Variants in PCDHGA4 observed in about 807,000 individuals in gnomAD.
PCDHGA4 encodes the protein protocadherin gamma subfamily A, 4.
PCDHGA4 carries 38 observed loss-of-function variants against 54.6 expected under a neutral mutation model. That is an observed-to-expected ratio of 0.70 (90% confidence interval 0.54 to 0.91). The LOEUF (loss-of-function observed/expected upper bound fraction) is 0.91, where lower values mean the gene tolerates loss of function less well. Among genes scored for constraint, PCDHGA4 ranks in the 40% least tolerant of loss-of-function variants. The probability of loss-of-function intolerance (pLI) is 0.00; values close to 1 mark genes in which losing one functional copy is unlikely to be tolerated. For synonymous variants in PCDHGA4, 511 were observed against 512.9 expected (o/e 1.00, Z 0.05); for missense variants, 1,298 against 1,220.9 (o/e 1.06, Z -0.94).
At chr5:141,453,351 C>T (rs1210851703) in intron 1 of PCDHGA4, among the ~76,000 whole-genome samples, 3 of 151,738 alleles carry the variant, frequency 2.0e-5, no homozygotes, top group African/African-American at 7.3e-5. Context: ...CCAGGCTGAC[C>T]CTGAACTCCT....
In PCDHGA4 at chr5:141,491,359, G is replaced by C. The variant is rs764159829; in HGVS notation, c.2515-3448G>C. 3 of 1,614,154 alleles carry C rather than the reference G, an allele frequency of 1.9e-6. No homozygotes were observed. In the East Asian group the frequency reaches 6.7e-5, roughly 36 times the overall value. On this transcript the variant is annotated intron_variant, in intron 1 of 3. Coordinates refer to ENST00000571252, the MANE Select transcript of PCDHGA4 (RefSeq NM_018917.4). This position sits in a 1 kb window ranked among gnomAD's most constrained non-coding sequence, Gnocchi z 6.9. ...AGCGACCGTCAGTCTCTTATCCCTA[G>C]TCACCTTCACCTTTCTGTCAGCGAA...
intron 1 of PCDHGA4, among the ~76,000 whole-genome samples, chr5:141,455,860 ATTATTTATTTAT>A (rs145569377): frequency 0.023 from 3,231 of 139,812 alleles, 82 homozygotes; most frequent in African/African-American, 0.066. Context: ...AATTTCTTTT[ATTATTTATTTAT>A]TTATTTATTT....
intron 1 of PCDHGA4, chr5:141,364,801 G>A: frequency 1.2e-6 from 2 of 1,613,992 alleles, no homozygotes; most frequent in Non-Finnish European, 1.7e-6. Flanking sequence ...TTCCCTTCGC[G>A]CGGGATGCGG....
In PCDHGA4 at chr5:141,355,505, G is replaced by A; in HGVS notation, c.398G>A (p.Cys133Tyr). The A allele has an allele frequency of 6.2e-7, 1 of 1,614,044 alleles. No individual in the cohort carries two copies. The highest frequency in any genetic ancestry group is 8.5e-7 in the Non-Finnish European group (1 of 1,179,896). The change falls in exon 1 of 4, where the codon TGT (cysteine) becomes TAT (tyrosine). Residue 133 changes from cysteine to tyrosine, a missense_variant. Physicochemically the swap from Cys to Tyr is radical, Grantham distance 194. Coordinates refer to ENST00000571252, the MANE Select transcript of PCDHGA4 (RefSeq NM_018917.4). ...GAGCTCTGCGACAGATCTCCAAACT[G>A]TGTGACAAACCTGGAGATTCTTCTA... ...REELCDRSPN[C>Y]VTNLEILLED...
intron 1 of PCDHGA4, chr5:141,365,934 G>A (rs1488431310): frequency 6.2e-7 from 1 of 1,614,116 alleles, no homozygotes; most frequent in Non-Finnish European, 8.5e-7. Context: ...GTGACAGCCA[G>A]CGACAGTGGG....
chr5:141,383,406 T>G lies in PCDHGA4; in HGVS notation c.2514+25785T>G, dbSNP rs780989648. 25 of 1,613,866 alleles carry G rather than the reference T, an allele frequency of 1.5e-5. No individual in the cohort carries two copies. In the African/African-American group the frequency reaches 3.2e-4, roughly 21 times the overall value. ...ATGTGGGCACGAACTCCCTCCAGAG[T>G]TACCAGCTCAGCCCCAATCGCCACT... On this transcript the variant is annotated intron_variant, in intron 1 of 3. Coordinates refer to ENST00000571252, the MANE Select transcript of PCDHGA4 (RefSeq NM_018917.4).
At chr5:141,410,266 G>A in intron 1 of PCDHGA4, 1 of 1,614,036 alleles carries the variant, frequency 6.2e-7, no homozygotes, top group South Asian at 1.1e-5. Context: ...AGGCTGAACT[G>A]CAGTTTTACC....
intron 1 of PCDHGA4, chr5:141,441,731 C>G: frequency 2.8e-6 from 1 of 362,226 alleles, no homozygotes; most frequent in South Asian, 2.2e-5. Context: ...GCGACCAGGA[C>G]TAGCTCGCGC....
rs554119295 is a variant in PCDHGA4 at position 141,482,963 on chromosome 5, C to T, written c.2515-11844C>T. 1.7e-4 allele frequency among the ~76,000 whole-genome samples: 10 copies of T among 57,958 alleles called. No homozygotes were observed. In the South Asian group the frequency reaches 4.5e-3, roughly 26 times the overall value. 38.0% of individuals were successfully genotyped at this position (57,958 alleles called of 152,430 possible). On this transcript the variant is annotated intron_variant, in intron 1 of 3. Coordinates refer to ENST00000571252, the MANE Select transcript of PCDHGA4 (RefSeq NM_018917.4). The stretch of plus-strand genomic sequence containing the variant: ...TTGTGGGTGCCTGTAATTCCAGCTA[C>T]TTGAGCAGCTACTTGAGAGGTCGAG...
chr5:141,384,282 C>T (rs1230546899), intron 1 of PCDHGA4: 3 of 1,613,858 alleles, frequency 1.9e-6, no homozygotes, highest in African/African-American at 1.3e-5. Flanking sequence ...CAGTCTACAT[C>T]GCTGAGAACA....
At position 141,432,455 on chromosome 5, in the gene PCDHGA4, G is replaced by A; in HGVS notation, c.2515-62352G>A. The A allele has an allele frequency of 6.2e-7, 1 of 1,614,176 alleles. No individual in the cohort carries two copies. The highest frequency in any genetic ancestry group is 8.5e-7 in the Non-Finnish European group (1 of 1,180,042). On this transcript the variant is annotated intron_variant, in intron 1 of 3. Transcript: ENST00000571252. The surrounding 1 kb of genome is among the most constrained non-coding windows in gnomAD (Gnocchi z 6.0). ...CAATGCGCCCGAGATCCTGTACCCCGCCCTCCCCACGGACGGTTCCACTGG... is the reference window on the plus strand; with the variant it reads ...CAATGCGCCCGAGATCCTGTACCCCACCCTCCCCACGGACGGTTCCACTGG...
chr5:141,364,800 C>G (rs2149865831), intron 1 of PCDHGA4: 12 of 1,613,952 alleles, frequency 7.4e-6, no homozygotes, highest in Non-Finnish European at 1.0e-5. Context: ...CTTCCCTTCG[C>G]GCGGGATGCG....
At chr5:141,384,839 AGGACCAC>A in intron 1 of PCDHGA4, 1 of 1,613,462 alleles carries the variant, frequency 6.2e-7, no homozygotes, top group East Asian at 2.2e-5. Context: ...GTGGCCGTCC[AGGACCAC>A]GGTCAGCCTC....
chr5:141,370,459 T>G, intron 1 of PCDHGA4: 2 of 1,612,272 alleles, frequency 1.2e-6, no homozygotes, highest in Admixed American at 3.3e-5. Flanking sequence ...CTCTTCCTGC[T>G]CTCTTTGTTA....
intron 1 of PCDHGA4, chr5:141,426,513 C>T (rs780618436): frequency 6.2e-5 from 21 of 341,148 alleles, no homozygotes; most frequent in Non-Finnish European, 1.1e-4. Context: ...AATACTTTAC[C>T]GTGAACACGG....
intron 1 of PCDHGA4, chr5:141,389,284 C>G (rs1227474648): frequency 1.1e-5 from 17 of 1,613,930 alleles, no homozygotes; most frequent in Admixed American, 1.7e-5. Flanking sequence ...CCGCCTGGAG[C>G]CTCTATTTCA....
At chr5:141,419,667 G>T in intron 1 of PCDHGA4, 1 of 1,612,894 alleles carries the variant, frequency 6.2e-7, no homozygotes, top group South Asian at 1.1e-5. Flanking sequence ...CACAATGCCT[G>T]GCTGTCCTAC....
At chr5:141,370,529 G>C in intron 1 of PCDHGA4, 2 of 1,613,942 alleles carry the variant, frequency 1.2e-6, no homozygotes, top group Non-Finnish European at 1.7e-6. Context: ...ACAGGGGCTC[G>C]CTGGTAGGGA....
chr5:141,419,746 G>A (rs1561783927), intron 1 of PCDHGA4: 2 of 1,613,896 alleles, frequency 1.2e-6, no homozygotes, highest in Admixed American at 1.7e-5. Context: ...TGCGCATGGT[G>A]CGTGCTTTGG....
Sources: allele counts gnomAD v4.1 joint callset (sites outside exome capture counted in the v4.1 genomes callset), GRCh38; gene constraint gnomAD v4.1.1; non-coding constraint Gnocchi (gnomAD v3.1); transcripts MANE v1.5; gene names NCBI Gene and HGNC (gene_info 2026-07-23, HGNC 2026-07-21).